The following MRTFA variants were observed in gnomAD, a reference collection of about 807,000 sequenced individuals.
MRTFA encodes myocardin related transcription factor A.
Under a neutral mutation model 83.5 loss-of-function variants are expected in MRTFA, and 20 were observed. The observed-to-expected ratio is 0.24, with a 90% CI of 0.17 to 0.35. The LOEUF (loss-of-function observed/expected upper bound fraction) is 0.35. Ranked by LOEUF, MRTFA falls within the 10% of genes least tolerant of loss-of-function variation. The pLI is 1.00. For missense variants in MRTFA, 1,200 were observed against 1,224.7 expected, an observed-to-expected ratio of 0.98 and a Z score of 0.30; for synonymous variants, 659 against 541.2, an observed-to-expected ratio of 1.22 and a Z score of -3.02.
At chr22:40,607,151 T>G (rs1032439991) in intron 1 of MRTFA, among the ~76,000 whole-genome samples, 1 of 152,194 alleles carries the variant, frequency 6.6e-6, no homozygotes, top group Non-Finnish European at 1.5e-5. Flanking sequence ...CATAACCTCC[T>G]TGCCCTCAAA....
At position 40,410,290 on chromosome 22, in the gene MRTFA, T is replaced by C. The variant is rs2052445539; in HGVS notation, c.*1100A>G. ...ACTGAATAAGATGGACTAACAGGCC[T>C]GTGTTTTTGTGTTTATTTTAAAAAG... On this transcript the variant is annotated 3_prime_UTR_variant, in exon 15 of 15. Transcript: ENST00000355630. 1.8e-6 allele frequency: 1 copy of C among 555,272 alleles called. No individual in the cohort carries two copies. The highest frequency in any genetic ancestry group is 2.4e-6 in the Non-Finnish European group (1 of 416,314). 34.4% of individuals were successfully genotyped at this position (555,272 alleles called of 1,614,324 possible). A position where few individuals can be genotyped will look rare whatever the true frequency, so the allele number is the denominator to read the frequency against.
chr22:40,446,073 G>A (rs1233599801), intron 4 of MRTFA, among the ~76,000 whole-genome samples: 1 of 152,122 alleles, frequency 6.6e-6, no homozygotes, highest in Non-Finnish European at 1.5e-5. Context: ...TAACATCAAG[G>A]GGCATATGTT....
At chr22:40,600,342 A>T (rs1569346841) in intron 1 of MRTFA, among the ~76,000 whole-genome samples, 1 of 152,170 alleles carries the variant, frequency 6.6e-6, no homozygotes, top group African/African-American at 2.4e-5. Context: ...TCCTAGGCAT[A>T]TCCATAACCT....
In MRTFA at chr22:40,555,586, T is replaced by A. The variant is rs527304376; in HGVS notation, c.-21-3219A>T. On this transcript the variant is annotated intron_variant, in intron 2 of 14. Transcript: ENST00000355630. ...TAAACCTCATAAATTAAAAAAAATT[T>A]TATATATATATATATATCTCCACTC... Among the ~76,000 whole-genome samples the A allele has an allele frequency of 3.6e-4, 54 of 149,022 alleles. No homozygotes were observed. The East Asian group carries it at 4.7e-3, about 13-fold the overall frequency.
At chr22:40,561,488 C>CT (rs2055617025) in intron 2 of MRTFA, among the ~76,000 whole-genome samples, 2 of 117,682 alleles carry the variant, frequency 1.7e-5, no homozygotes, top group East Asian at 3.1e-4. Context: ...GAAACTATGT[C>CT]TAAAAAAAAA....
In MRTFA at chr22:40,591,099, C is replaced by A. The variant is rs1301137993; in HGVS notation, c.-22+3575G>T. On this transcript the variant is annotated intron_variant, in intron 2 of 14. Transcript: ENST00000355630. ...GCAGTGAGCTGAGATCGCGCCACTG[C>A]ACTCCAGCCTGGCGACAGAGCGAGA... 2.0e-5 allele frequency among the ~76,000 whole-genome samples: 3 copies of A among 152,260 alleles called. No individual in the cohort carries two copies. In the East Asian group the frequency reaches 5.8e-4, roughly 29 times the overall value.
intron 3 of MRTFA, among the ~76,000 whole-genome samples, chr22:40,512,020 A>G (rs1353134989): frequency 1.3e-5 from 2 of 152,212 alleles, no homozygotes; most frequent in African/African-American, 4.8e-5. Flanking sequence ...GAGGGAACAT[A>G]GAACAGGTGA....
At chr22:40,413,282 C>T (rs2052600803) in intron 14 of MRTFA, among the ~76,000 whole-genome samples, 1 of 151,734 alleles carries the variant, frequency 6.6e-6, no homozygotes, top group African/African-American at 2.4e-5. Context: ...CAAGGCAAGA[C>T]CCCATCTTTA....
intron 2 of MRTFA, among the ~76,000 whole-genome samples, chr22:40,582,833 A>C (rs1471240292): frequency 6.6e-6 from 1 of 152,152 alleles, no homozygotes; most frequent in Non-Finnish European, 1.5e-5. Flanking sequence ...CCCAGAACTC[A>C]GTTCATTATG....
intron 1 of MRTFA, among the ~76,000 whole-genome samples, chr22:40,629,579 T>A (rs559914593): frequency 6.6e-6 from 1 of 150,988 alleles, no homozygotes; most frequent in Non-Finnish European, 1.5e-5. Context: ...CTGGCCAACA[T>A]AGTGAAACTC....
At chr22:40,489,266 G>A (rs1296199683) in intron 3 of MRTFA, among the ~76,000 whole-genome samples, 1 of 151,866 alleles carries the variant, frequency 6.6e-6, no homozygotes, top group Admixed American at 6.6e-5. Flanking sequence ...ACCATTTGAG[G>A]CAAAATCTGT....
At chr22:40,417,272 T>G in intron 13 of MRTFA, 69 bp downstream of exon 13, 2 of 1,561,152 alleles carry the variant, frequency 1.3e-6, no homozygotes, top group Admixed American at 1.9e-5. Context: ...CGGGTGGGGC[T>G]GTAGGAGCCT....
Position 40,480,279 on chromosome 22 carries a change from T to C in MRTFA, c.242-16993A>G, listed in dbSNP as rs545287658. On this transcript the variant is annotated intron_variant, in intron 3 of 14. Transcript: ENST00000355630. ...CACCAGTTCTCTGTATGTTTATTTT[T>C]TTTTTTTTATGTTTTGTCAAGATGG... 8.5e-5 allele frequency among the ~76,000 whole-genome samples: 13 copies of C among 152,224 alleles called. No individual in the cohort carries two copies. In the East Asian group the frequency reaches 1.4e-3, roughly 16 times the overall value.
At chr22:40,546,379 G>A (rs1220987775) in intron 3 of MRTFA, among the ~76,000 whole-genome samples, 2 of 152,318 alleles carry the variant, frequency 1.3e-5, no homozygotes, top group Admixed American at 6.5e-5. Flanking sequence ...AAAGGGAGTC[G>A]CTGGAAAGGT....
intron 3 of MRTFA, among the ~76,000 whole-genome samples, chr22:40,502,106 C>T (rs1381047042): frequency 1.2e-3 from 137 of 112,730 alleles, no homozygotes; most frequent in Non-Finnish European, 1.2e-3. Context: ...TAGGGGCGGC[C>T]GGGCAGAGGC....
At chr22:40,501,964 G>A (rs1218956836) in intron 3 of MRTFA, among the ~76,000 whole-genome samples, 190 of 123,532 alleles carry the variant, frequency 1.5e-3, no homozygotes, top group African/African-American at 5.5e-3. Flanking sequence ...CAGACGGGGC[G>A]GCTGGCCGGG....
intron 4 of MRTFA, among the ~76,000 whole-genome samples, chr22:40,452,425 A>G (rs972616711): frequency 6.6e-6 from 1 of 152,208 alleles, no homozygotes; most frequent in Non-Finnish European, 1.5e-5. Context: ...CTTGATAAGA[A>G]GTTAGCCTTG....
intron 3 of MRTFA, chr22:40,519,474 C>A: frequency 1.5e-6 from 2 of 1,341,576 alleles, no homozygotes; most frequent in Non-Finnish European, 2.0e-6. Flanking sequence ...CAGTGCTGCC[C>A]TCTCTTCTCA....
chr22:40,555,370 G>C (rs1296219398), intron 2 of MRTFA, among the ~76,000 whole-genome samples: 9 of 152,058 alleles, frequency 5.9e-5, no homozygotes, highest in Admixed American at 5.9e-4. Flanking sequence ...TCATGGATTG[G>C]TGCTGTCCAC....
Sources: gnomAD v4.1 joint callset for allele counts (sites outside exome capture counted in the v4.1 genomes callset) on GRCh38, gnomAD v4.1.1 for gene constraint, MANE v1.5 for transcripts, NCBI Gene and HGNC (gene_info 2026-07-23, HGNC 2026-07-21) for gene names.